Variants in CADM1 observed in about 807,000 individuals in gnomAD.
CADM1 encodes the protein TSLC-1.
A neutral mutation model predicts 53.1 loss-of-function variants in CADM1; 15 were observed. The observed-to-expected ratio is 0.28, with a 90% CI of 0.19 to 0.44. CADM1 has a LOEUF of 0.44. CADM1 is among the 20% of genes least tolerant of loss of function. The pLI is 1.00. For missense variants in CADM1, 434 were observed against 611.3 expected, an observed-to-expected ratio of 0.71 and a Z score of 3.06; for synonymous variants, 281 against 243.0, an observed-to-expected ratio of 1.16 and a Z score of -1.45.
chr11:115,435,593 C>T (rs1565426559), intron 1 of CADM1, among the ~76,000 whole-genome samples: 1 of 151,952 alleles, frequency 6.6e-6, no homozygotes, highest in East Asian at 1.9e-4. Flanking sequence ...ATTAGCTGGG[C>T]GTGACAGCTG....
chr11:115,209,198 A>C (rs1005187538), intron 8 of CADM1, among the ~76,000 whole-genome samples: 2 of 152,222 alleles, frequency 1.3e-5, no homozygotes, highest in African/African-American at 4.8e-5. Context: ...ATGGACTGAG[A>C]TGAAACTAAG....
chr11:115,412,678 C>A (rs1488653558), intron 1 of CADM1, among the ~76,000 whole-genome samples: 1 of 152,082 alleles, frequency 6.6e-6, no homozygotes, highest in Non-Finnish European at 1.5e-5. Flanking sequence ...CACTTTTGTG[C>A]CGACTACCTC....
intron 1 of CADM1, among the ~76,000 whole-genome samples, chr11:115,384,714 A>C (rs561218727): frequency 6.6e-6 from 1 of 152,340 alleles, no homozygotes; most frequent in East Asian, 1.9e-4. Context: ...GTGATAAGGC[A>C]TTTCTATCAA....
intron 1 of CADM1, among the ~76,000 whole-genome samples, chr11:115,293,218 G>A (rs74610459): frequency 6.6e-6 from 1 of 152,282 alleles, no homozygotes; most frequent in African/African-American, 2.4e-5. Flanking sequence ...GGATCCCGGG[G>A]TCAGGAGATC....
At chr11:115,268,072 T>C (rs1226214280) in intron 1 of CADM1, among the ~76,000 whole-genome samples, 1 of 152,210 alleles carries the variant, frequency 6.6e-6, no homozygotes, top group Non-Finnish European at 1.5e-5. Context: ...CCAGTAAGTC[T>C]TTACGAAGAA....
chr11:115,368,174 G>T (rs2135116096), intron 1 of CADM1, among the ~76,000 whole-genome samples: 1 of 97,230 alleles, frequency 1.0e-5, no homozygotes, highest in Middle Eastern at 0.015. Flanking sequence ...CTTCCAGATT[G>T]TTTGGGGGAT....
chr11:115,322,781 A>G (rs549833851), intron 1 of CADM1, among the ~76,000 whole-genome samples: 3 of 152,288 alleles, frequency 2.0e-5, no homozygotes, highest in South Asian at 4.1e-4. Context: ...TTATTTGGCT[A>G]TACCACATAT....
intron 1 of CADM1, among the ~76,000 whole-genome samples, chr11:115,318,261 T>G (rs2135181070): frequency 6.6e-6 from 1 of 152,340 alleles, no homozygotes; most frequent in South Asian, 2.1e-4. Flanking sequence ...ATTCATACAT[T>G]TAGATACTCA....
chr11:115,233,332 T>C (rs1941892193), intron 3 of CADM1, among the ~76,000 whole-genome samples: 2 of 152,148 alleles, frequency 1.3e-5, no homozygotes, highest in African/African-American at 2.4e-5. Flanking sequence ...TAATTTAACA[T>C]CTAATTTAGA....
At chr11:115,359,045 T>G (rs1208448356) in intron 1 of CADM1, among the ~76,000 whole-genome samples, 1 of 152,192 alleles carries the variant, frequency 6.6e-6, no homozygotes, top group Non-Finnish European at 1.5e-5. Flanking sequence ...ACTCTCAGGA[T>G]AGATTTGTAT....
At chr11:115,361,733 A>AT (rs568652718) in intron 1 of CADM1, among the ~76,000 whole-genome samples, 233 of 147,140 alleles carry the variant, frequency 1.6e-3, no homozygotes, top group African/African-American at 3.5e-3. Context: ...TATTATTATT[A>AT]TTTTTTTTTT....
At chr11:115,449,362 T>A (rs1162679611) in intron 1 of CADM1, among the ~76,000 whole-genome samples, 2 of 152,232 alleles carry the variant, frequency 1.3e-5, no homozygotes, top group Non-Finnish European at 2.9e-5. Context: ...TCTGCTCAAC[T>A]TGTCAGCATT....
At chr11:115,194,707 T>C (rs1940065664) in intron 9 of CADM1, among the ~76,000 whole-genome samples, 1 of 151,718 alleles carries the variant, frequency 6.6e-6, no homozygotes, top group South Asian at 2.1e-4. Flanking sequence ...CAGAGAGACC[T>C]CAAACCCAGA....
At chr11:115,352,303 G>T (rs1041505888) in intron 1 of CADM1, among the ~76,000 whole-genome samples, 3 of 152,120 alleles carry the variant, frequency 2.0e-5, no homozygotes, top group Admixed American at 1.3e-4. Flanking sequence ...TTGTCAGCAC[G>T]GAATGATGAT....
intron 1 of CADM1, among the ~76,000 whole-genome samples, chr11:115,421,485 A>G (rs558196297): frequency 2.0e-5 from 3 of 152,274 alleles, no homozygotes; most frequent in South Asian, 2.1e-4. Context: ...GCTTCACTAC[A>G]CTATTTCTGC....
chr11:115,176,679 C>G, intron 11 of CADM1, 87 bp from the exon 12 acceptor site: 1 of 1,097,232 alleles, frequency 9.1e-7, no homozygotes, highest in South Asian at 1.2e-5. Flanking sequence ...TTATGGCCAT[C>G]ATCAGCCGAA....
intron 1 of CADM1, among the ~76,000 whole-genome samples, chr11:115,309,988 T>C (rs77959666): frequency 5.6e-4 from 86 of 152,290 alleles, no homozygotes; most frequent in Non-Finnish European, 1.0e-3. Context: ...GGGTAGTTAA[T>C]GCAGAATGGC....
intron 10 of CADM1, chr11:115,190,663 C>T (rs1481467093): frequency 3.6e-6 from 2 of 548,108 alleles, no homozygotes; most frequent in Non-Finnish European, 6.5e-6. Context: ...TTGTCCTCTC[C>T]TGCGTTAATT....
At chr11:115,357,721 T>C (rs749787640) in intron 1 of CADM1, among the ~76,000 whole-genome samples, 1 of 152,216 alleles carries the variant, frequency 6.6e-6, no homozygotes, top group African/African-American at 2.4e-5. Flanking sequence ...GCTCAGTCAA[T>C]AATAGCTGTC....
Sources: gnomAD v4.1 joint callset for allele counts (sites outside exome capture counted in the v4.1 genomes callset) on GRCh38, gnomAD v4.1.1 for gene constraint, MANE v1.5 for transcripts, NCBI Gene and HGNC (gene_info 2026-07-23, HGNC 2026-07-21) for gene names.